The following CAMTA1 variants were observed in gnomAD, a reference collection of about 807,000 sequenced individuals.
CAMTA1 encodes calmodulin-binding transcription activator 1.
A neutral mutation model predicts 170.9 loss-of-function variants in CAMTA1; 27 were observed. That is an observed-to-expected ratio of 0.16 (90% confidence interval 0.12 to 0.22). CAMTA1 has a LOEUF of 0.22. CAMTA1 is among the 10% of genes least tolerant of loss of function. The probability of loss-of-function intolerance (pLI) is 1.00; values close to 1 mark genes in which losing one functional copy is unlikely to be tolerated. For missense variants in CAMTA1, 1,619 were observed against 2,217.2 expected (o/e 0.73, Z 5.42); for synonymous variants, 833 against 891.5 (o/e 0.93, Z 1.17).
rs139319275 is a variant in CAMTA1 at position 7,254,746 on chromosome 1, G to C, written c.438+5120G>C. 4.5e-4 allele frequency among the ~76,000 whole-genome samples: 68 copies of C among 152,322 alleles called. No homozygotes were observed. The East Asian group carries it at 0.012, about 28-fold the overall frequency. ...GGAATTAACAGGGCATGAAATAACT[G>C]TCTGCCCTGTGGCAATGCCAGATCA... On this transcript the variant is annotated intron_variant, in intron 5 of 22. Coordinates refer to ENST00000303635, the MANE Select transcript of CAMTA1 (RefSeq NM_015215.4).
At chr1:7,555,489 G>A (rs2094863374) in intron 6 of CAMTA1, among the ~76,000 whole-genome samples, 1 of 152,040 alleles carries the variant, frequency 6.6e-6, no homozygotes, top group East Asian at 1.9e-4. Flanking sequence ...ACCCAGAGCT[G>A]TGCCCTCCCC....
At chr1:7,384,279 C>T (rs990943575) in intron 5 of CAMTA1, among the ~76,000 whole-genome samples, 4 of 152,226 alleles carry the variant, frequency 2.6e-5, no homozygotes, top group Non-Finnish European at 5.9e-5. Flanking sequence ...CGCAGCTTCA[C>T]GGTGGCTCAG....
At chr1:6,953,830 C>T (rs901170845) in intron 3 of CAMTA1, among the ~76,000 whole-genome samples, 16 of 152,056 alleles carry the variant, frequency 1.1e-4, no homozygotes, top group African/African-American at 3.9e-4. Flanking sequence ...GAGCACGACA[C>T]TGGCATAAAC....
rs1457738372 is a variant in CAMTA1, at chr1:7,682,189, C to T, written c.2914+4456C>T. On this transcript the variant is annotated intron_variant, in intron 11 of 22. Coordinates refer to ENST00000303635, the MANE Select transcript of CAMTA1 (RefSeq NM_015215.4). The surrounding 1 kb of genome is among the most constrained non-coding windows in gnomAD (Gnocchi z 5.0). ...CAGGGGTGAGGGGGGACCCTGTCAT[C>T]TCAGGCAGAGCGGGGAGCATGGACT... is the stretch of plus-strand genomic sequence containing the variant. Among the ~76,000 whole-genome samples the T allele has an allele frequency of 6.6e-6, 1 of 152,198 alleles. No homozygotes were observed. The highest frequency in any genetic ancestry group is 1.5e-5 in the Non-Finnish European group (1 of 68,040).
In CAMTA1 at chr1:7,664,512, C is replaced by T; in HGVS notation, c.1965C>T (p.Thr655=). ...TGAAAACGGAGGCCTCGTCCCAAAC[C>T]AGCTCCTGCAGCGGTCACGTGGAGA... ...PTVKTEASSQ[T]SSCSGHVETR... is the part of the protein sequence containing the mutation. The change falls in exon 9 of 23, where the codon ACC becomes ACT. Residue 655 remains threonine (T), a synonymous_variant. Coordinates refer to ENST00000303635, the MANE Select transcript of CAMTA1 (RefSeq NM_015215.4). 6.2e-7 allele frequency: 1 copy of T among 1,613,300 alleles called. No homozygotes were observed.
chr1:6,926,687 C>CCTTCCCTG (rs1197219200), intron 3 of CAMTA1, among the ~76,000 whole-genome samples: 1 of 145,240 alleles, frequency 6.9e-6, no homozygotes, highest in African/African-American at 2.5e-5. Context: ...TTCCTTCCTT[C>CCTTCCCTG]CTTCCCTCCT....
At chr1:7,352,900 C>T (rs572232572) in intron 5 of CAMTA1, among the ~76,000 whole-genome samples, 1 of 152,330 alleles carries the variant, frequency 6.6e-6, no homozygotes, top group Non-Finnish European at 1.5e-5. Flanking sequence ...CCAGCCTCAT[C>T]GAGGAACAGA....
intron 1 of CAMTA1, among the ~76,000 whole-genome samples, chr1:6,797,612 C>T (rs1189164215): frequency 1.3e-5 from 2 of 151,784 alleles, no homozygotes; most frequent in African/African-American, 4.8e-5. Flanking sequence ...GTCTCAAACT[C>T]CCGACCTCAG....
intron 3 of CAMTA1, among the ~76,000 whole-genome samples, chr1:6,856,402 T>C (rs1029456069): frequency 6.9e-6 from 1 of 144,468 alleles, no homozygotes; most frequent in South Asian, 2.4e-4. Context: ...TTCCAGACAA[T>C]GTGTTTGTTA....
chr1:7,293,038 A>G lies in CAMTA1; in HGVS notation c.438+43412A>G, dbSNP rs1373680957. ...GGAAGAACCACCCTAGGAAGTGGCA[A>G]GCTCCGGCGGGGTGTCCTACTCCCT... On this transcript the variant is annotated intron_variant, in intron 5 of 22. Transcript: ENST00000303635. The surrounding 1 kb of genome is among the most constrained non-coding windows in gnomAD (Gnocchi z 4.1). Among the ~76,000 whole-genome samples the G allele has an allele frequency of 2.6e-5, 4 of 152,112 alleles. No individual in the cohort carries two copies. The highest frequency in any genetic ancestry group is 2.6e-4 in the Admixed American group (4 of 15,276).
rs914734863 is a variant in CAMTA1 at position 7,510,792 on chromosome 1, G to T, written c.510+42891G>T. ...ACCTTTGTCCTCCTGCTCCAGGATGGCTCTCTACCTTCCAGGCATCCCAGT... is the reference window on the plus strand; with the variant it reads ...ACCTTTGTCCTCCTGCTCCAGGATGTCTCTCTACCTTCCAGGCATCCCAGT... On this transcript the variant is annotated intron_variant, in intron 6 of 22. Transcript: ENST00000303635. Among the ~76,000 whole-genome samples, 6 of 145,212 alleles carry T rather than the reference G, an allele frequency of 4.1e-5. 1 individual carries two copies. The highest frequency in any genetic ancestry group is 1.2e-4 in the African/African-American group (5 of 40,598).
At chr1:7,587,443 C>G (rs1396628350) in intron 6 of CAMTA1, among the ~76,000 whole-genome samples, 2 of 152,144 alleles carry the variant, frequency 1.3e-5, no homozygotes, top group Admixed American at 1.3e-4. Flanking sequence ...GCCCTCCACT[C>G]TAACCGCCCG....
intron 3 of CAMTA1, among the ~76,000 whole-genome samples, chr1:6,945,260 G>T (rs183080042): frequency 1.3e-5 from 2 of 152,258 alleles, no homozygotes; most frequent in Admixed American, 6.5e-5. Flanking sequence ...TCAGGCAGTT[G>T]TGCAACCATC....
intron 6 of CAMTA1, among the ~76,000 whole-genome samples, chr1:7,613,927 G>A (rs1342888781): frequency 6.7e-6 from 1 of 148,722 alleles, no homozygotes; most frequent in Non-Finnish European, 1.5e-5. Context: ...GGAGAGAGAT[G>A]GTGGGGGGGC....
chr1:7,284,651 C>T (rs1672097958), intron 5 of CAMTA1, among the ~76,000 whole-genome samples: 1 of 152,240 alleles, frequency 6.6e-6, no homozygotes, highest in South Asian at 2.1e-4. Flanking sequence ...ATTCCAGCCT[C>T]TCCTGGGCCG....
At chr1:7,743,250 T>A (rs2096831335) in intron 16 of CAMTA1, among the ~76,000 whole-genome samples, 1 of 152,182 alleles carries the variant, frequency 6.6e-6, no homozygotes, top group Non-Finnish European at 1.5e-5. Context: ...TAAGCATTTT[T>A]AACAGCTTTA....
intron 6 of CAMTA1, among the ~76,000 whole-genome samples, chr1:7,632,904 C>A (rs964574141): frequency 6.6e-6 from 1 of 152,266 alleles, no homozygotes. Context: ...CTCCCCTCTG[C>A]AGCCTGGAGC....
chr1:7,081,144 G>A (rs17030214), intron 3 of CAMTA1, among the ~76,000 whole-genome samples: 7,246 of 152,322 alleles, frequency 0.048, 584 homozygotes, highest in African/African-American at 0.17. Context: ...GCCTGCCAGT[G>A]GAGGGACTGT....
At chr1:6,917,137 G>A (rs1680977291) in intron 3 of CAMTA1, among the ~76,000 whole-genome samples, 1 of 152,164 alleles carries the variant, frequency 6.6e-6, no homozygotes, top group South Asian at 2.1e-4. Flanking sequence ...CATCCAGGGA[G>A]AGAGTGGCAT....
Sources: allele counts gnomAD v4.1 joint callset (sites outside exome capture counted in the v4.1 genomes callset), GRCh38; gene constraint gnomAD v4.1.1; non-coding constraint Gnocchi (gnomAD v3.1); transcripts MANE v1.5; gene names NCBI Gene and HGNC (gene_info 2026-07-23, HGNC 2026-07-21).